FBXO40: variants seen among roughly 807,000 people sequenced by gnomAD.
FBXO40 encodes F-box only protein 40.
FBXO40 carries 50 observed loss-of-function variants against 49.9 expected under a neutral mutation model. The ratio of observed to expected loss-of-function variants is 1.00; its 90% CI spans 0.80 to 1.27. The LOEUF (loss-of-function observed/expected upper bound fraction) is 1.27. Ranked by LOEUF, FBXO40 falls within the 50% of genes most tolerant of loss-of-function variation. The probability of loss-of-function intolerance (pLI) is 0.00; values close to 1 mark genes in which losing one functional copy is unlikely to be tolerated. For synonymous variants in FBXO40, 340 were observed against 320.2 expected (o/e 1.06, Z -0.66); for missense variants, 895 against 870.1 (o/e 1.03, Z -0.36).
Position 121,621,728 on chromosome 3 carries a change from AC to A in FBXO40, c.301del (p.Arg101AlafsTer16). ...ASVVCCSMEW[N>X]RWPNVDSETT... is the part of the protein sequence containing the mutation. ...GTGGTCTGCTGCTCCATGGAGTGGA[AC>A]CGCTGGCCAAATGTGGACTCTGAAA... On this transcript the variant is annotated frameshift_variant, in exon 3 of 4. Coordinates refer to ENST00000338040, the MANE Select transcript of FBXO40 (RefSeq NM_016298.4). LOFTEE classifies it high-confidence loss of function. 1 of 1,614,244 alleles carries A rather than the reference AC, an allele frequency of 6.2e-7. No individual in the cohort carries two copies. The highest frequency in any genetic ancestry group is 8.5e-7 in the Non-Finnish European group (1 of 1,180,044).
chr3:121,620,237 G>A (rs1234216045), intron 1 of FBXO40, among the ~76,000 whole-genome samples: 1 of 152,214 alleles, frequency 6.6e-6, no homozygotes, highest in African/African-American at 2.4e-5. Context: ...GAAAGTTATA[G>A]GAAGCAGAAG....
At chr3:121,606,182 C>G (rs924661970) in intron 1 of FBXO40, among the ~76,000 whole-genome samples, 5 of 152,206 alleles carry the variant, frequency 3.3e-5, no homozygotes, top group African/African-American at 1.2e-4. Flanking sequence ...TAGTAAGAAG[C>G]TTCCAAGGAT....
At chr3:121,599,992 G>C (rs2048894121) in intron 1 of FBXO40, among the ~76,000 whole-genome samples, 2 of 150,170 alleles carry the variant, frequency 1.3e-5, no homozygotes, top group African/African-American at 4.9e-5. Flanking sequence ...CAAAGTGGTG[G>C]GATTACAGGC....
intron 1 of FBXO40, among the ~76,000 whole-genome samples, chr3:121,609,189 A>C (rs2048951158): frequency 6.6e-6 from 1 of 152,040 alleles, no homozygotes; most frequent in Non-Finnish European, 1.5e-5. Flanking sequence ...TTGATTCTGG[A>C]GGAGTGTTAT....
At chr3:121,609,626 CAG>C (rs370538606) in intron 1 of FBXO40, among the ~76,000 whole-genome samples, 47 of 152,170 alleles carry the variant, frequency 3.1e-4, no homozygotes, top group African/African-American at 1.0e-3. Context: ...TTTCTCTCCT[CAG>C]GGGAGAGGAA....
At chr3:121,605,679 G>T (rs988613400) in intron 1 of FBXO40, among the ~76,000 whole-genome samples, 3 of 152,228 alleles carry the variant, frequency 2.0e-5, no homozygotes, top group Non-Finnish European at 2.9e-5. Context: ...CCCAGTGCAA[G>T]AAACTTTTCT....
intron 1 of FBXO40, among the ~76,000 whole-genome samples, chr3:121,602,951 G>T (rs2048908993): frequency 6.6e-6 from 1 of 152,148 alleles, no homozygotes; most frequent in Non-Finnish European, 1.5e-5. Flanking sequence ...TATAACAAAA[G>T]ATTCTAGACT....
At chr3:121,626,608 G>A (rs1319308117) in intron 3 of FBXO40, 87 bp from the exon 4 acceptor site, 1 of 1,149,780 alleles carries the variant, frequency 8.7e-7, no homozygotes, top group Non-Finnish European at 1.3e-6. Flanking sequence ...TGAAGAACAG[G>A]AGGATATTTC....
At chr3:121,601,696 A>G (rs1301923738) in intron 1 of FBXO40, among the ~76,000 whole-genome samples, 1 of 152,250 alleles carries the variant, frequency 6.6e-6, no homozygotes, top group East Asian at 1.9e-4. Context: ...ACTGAGCTCA[A>G]CTTAATGACA....
At chr3:121,623,680 T>A (rs1389810270) in intron 3 of FBXO40, among the ~76,000 whole-genome samples, 1 of 144,174 alleles carries the variant, frequency 6.9e-6, no homozygotes. Context: ...ACAAATATTT[T>A]TAAAGGCCTT....
At chr3:121,595,361 C>T (rs1202447377) in intron 1 of FBXO40, among the ~76,000 whole-genome samples, 1 of 152,162 alleles carries the variant, frequency 6.6e-6, no homozygotes, top group South Asian at 2.1e-4. Context: ...GGTGTGTTGG[C>T]TTACAAGTAA....
chr3:121,623,717 T>C (rs1243301476), intron 3 of FBXO40, among the ~76,000 whole-genome samples: 1 of 150,434 alleles, frequency 6.6e-6, no homozygotes, highest in Non-Finnish European at 1.5e-5. Context: ...AGAAGGAGTT[T>C]CATTCTCATT....
intron 1 of FBXO40, among the ~76,000 whole-genome samples, chr3:121,602,402 A>G (rs2048905197): frequency 6.6e-6 from 1 of 152,038 alleles, no homozygotes; most frequent in Non-Finnish European, 1.5e-5. Flanking sequence ...TCCTCCCCAA[A>G]TTGTTCCCTC....
intron 1 of FBXO40, among the ~76,000 whole-genome samples, chr3:121,605,738 T>C (rs1215392482): frequency 6.6e-6 from 1 of 152,228 alleles, no homozygotes; most frequent in Admixed American, 6.5e-5. Context: ...ATTGCTAAAA[T>C]TGTTATTAAT....
At position 121,620,493 on chromosome 3, in the gene FBXO40, AG is replaced by A. The variant is rs1395148488; in HGVS notation, c.-30-51del. ...AAGTCTCTTTAGCCTCTATTAATAT[AG>A]GTAACCTAACTGTTTTTCTTACTAA... On this transcript the variant is annotated intron_variant, in intron 1 of 3. Transcript: ENST00000338040. The A allele has an allele frequency of 1.5e-5, 23 of 1,520,848 alleles. No homozygotes were observed. The African/African-American group carries it at 2.9e-4, about 19-fold the overall frequency. The allele number at this position is 1,520,848 out of a possible 1,614,324, so 94.2% of individuals were successfully genotyped here. A position where few individuals can be genotyped will look rare whatever the true frequency, so the allele number is the denominator to read the frequency against.
chr3:121,596,348 G>T (rs1210815513), intron 1 of FBXO40, among the ~76,000 whole-genome samples: 2 of 152,208 alleles, frequency 1.3e-5, no homozygotes, highest in African/African-American at 4.8e-5. Flanking sequence ...GACTCTGGGA[G>T]CATAGGCAAG....
chr3:121,606,806 C>A (rs1253214116), intron 1 of FBXO40, among the ~76,000 whole-genome samples: 1 of 152,188 alleles, frequency 6.6e-6, no homozygotes, highest in Non-Finnish European at 1.5e-5. Flanking sequence ...CTATGATTAA[C>A]CCTTTCCACC....
chr3:121,614,269 CAAAA>C (rs35824526), intron 1 of FBXO40, among the ~76,000 whole-genome samples: 2 of 77,644 alleles, frequency 2.6e-5, no homozygotes, highest in Admixed American at 1.6e-4. Context: ...GACTCTAGCT[CAAAA>C]AAAAAAAAAA....
At chr3:121,596,980 G>T (rs1252739074) in intron 1 of FBXO40, among the ~76,000 whole-genome samples, 2 of 152,094 alleles carry the variant, frequency 1.3e-5, no homozygotes, top group African/African-American at 2.4e-5. Flanking sequence ...AAGCCCATTT[G>T]GTGGGTCCTT....
Sources: allele counts gnomAD v4.1 joint callset (sites outside exome capture counted in the v4.1 genomes callset), GRCh38; gene constraint gnomAD v4.1.1; transcripts MANE v1.5; gene names NCBI Gene and HGNC (gene_info 2026-07-23, HGNC 2026-07-21).